The following KCNAB2 variants were observed in gnomAD, a reference collection of about 807,000 sequenced individuals.
KCNAB2 encodes the protein potassium voltage-gated channel subfamily A regulatory beta subunit 2, also known as voltage-gated potassium channel subunit beta-2.
A neutral mutation model predicts 63.6 loss-of-function variants in KCNAB2; 29 were observed. The ratio of observed to expected loss-of-function variants is 0.46; its 90% CI spans 0.34 to 0.62. The LOEUF is 0.62. KCNAB2 is among the 20% of genes least tolerant of loss of function. The pLI is 0.01. For synonymous variants in KCNAB2, 222 were observed against 224.2 expected (o/e 0.99, Z 0.09); for missense variants, 359 against 563.9 (o/e 0.64, Z 3.68).
intron 1 of KCNAB2, among the ~76,000 whole-genome samples, chr1:6,022,309 G>C (rs1456688007): frequency 6.7e-6 from 1 of 149,568 alleles, no homozygotes; most frequent in African/African-American, 2.5e-5. Context: ...CTGAGTGTAT[G>C]GCTCAGTGGT....
intron 1 of KCNAB2, among the ~76,000 whole-genome samples, chr1:6,051,038 G>A (rs188207028): frequency 2.0e-5 from 3 of 152,374 alleles, no homozygotes; most frequent in African/African-American, 7.2e-5. Context: ...AGCAACAGGT[G>A]TGCCCTGCGC....
intron 1 of KCNAB2, among the ~76,000 whole-genome samples, chr1:6,009,961 C>G (rs985396974): frequency 7.2e-5 from 11 of 151,910 alleles, no homozygotes; most frequent in African/African-American, 2.7e-4. Flanking sequence ...ACCTCCAACT[C>G]CCAGGCTCAG....
At chr1:5,995,726 C>T (rs1177518740) in intron 1 of KCNAB2, 1 of 152,276 alleles carries the variant, frequency 6.6e-6, no homozygotes, top group East Asian at 1.9e-4. Flanking sequence ...ACACTCATGA[C>T]CTCAGTTCGC....
Position 6,054,245 on chromosome 1 carries a change from C to T in KCNAB2, c.218+2491C>T, listed in dbSNP as rs78202208. Among the ~76,000 whole-genome samples the T allele has an allele frequency of 5.3e-3, 811 of 152,128 alleles. 13 individuals carry two copies. The highest frequency in any genetic ancestry group is 0.027 in the Middle Eastern group (8 of 294). ...CAACCCAAGGGACTCTGAGGAGTCT[C>T]GGTGTTACCGGTGGAGGGTGTGCAG... is the stretch of plus-strand genomic sequence containing the variant. On this transcript the variant is annotated intron_variant, in intron 2 of 15. Coordinates refer to ENST00000378083, the MANE Select transcript of KCNAB2 (RefSeq NM_001199862.2).
At chr1:5,997,904 T>C (rs1321022470) in intron 1 of KCNAB2, among the ~76,000 whole-genome samples, 2 of 152,212 alleles carry the variant, frequency 1.3e-5, no homozygotes, top group East Asian at 3.8e-4. Context: ...CAGCAGACAT[T>C]TGAAGGACCA....
chr1:5,998,382 G>A (rs765217417), intron 1 of KCNAB2, among the ~76,000 whole-genome samples: 1 of 152,200 alleles, frequency 6.6e-6, no homozygotes, highest in South Asian at 2.1e-4. Context: ...GGGAGGACTG[G>A]GCTCGGTTGA....
rs1278186459 is a variant in KCNAB2, at chr1:6,073,703, C to A, written c.263-30C>A. 4.3e-6 allele frequency: 7 copies of A among 1,613,606 alleles called. No homozygotes were observed. Among genetic ancestry groups the A allele is most frequent in the Non-Finnish European group, 5.9e-6 (7 of 1,179,500 alleles). ...GGATAATCTGGCTTCCTGCCAGGTT[C>A]CTAACTTGAGCCCCTGTGTCTCCTT... On this transcript the variant is annotated intron_variant, in intron 3 of 15. Transcript: ENST00000378083. This position sits in a 1 kb window ranked among gnomAD's most constrained non-coding sequence, Gnocchi z 5.7.
chr1:6,089,771 C>T (rs1420666668), intron 8 of KCNAB2, among the ~76,000 whole-genome samples: 1 of 152,234 alleles, frequency 6.6e-6, no homozygotes, highest in African/African-American at 2.4e-5. Flanking sequence ...GATCTTGGCT[C>T]ACTGCAACCC....
intron 5 of KCNAB2, among the ~76,000 whole-genome samples, chr1:6,084,392 C>T (rs1400718562): frequency 6.6e-6 from 1 of 152,240 alleles, no homozygotes; most frequent in East Asian, 1.9e-4. Flanking sequence ...CACCCACACA[C>T]ATGCACACAT....
At chr1:6,019,238 G>T (rs1248052420) in intron 1 of KCNAB2, among the ~76,000 whole-genome samples, 2 of 152,200 alleles carry the variant, frequency 1.3e-5, no homozygotes, top group African/African-American at 4.8e-5. Flanking sequence ...GCTGCAGTGA[G>T]CTGTGATCAT....
chr1:6,029,061 C>T (rs1254742867), intron 1 of KCNAB2, among the ~76,000 whole-genome samples: 1 of 152,140 alleles, frequency 6.6e-6, no homozygotes, highest in East Asian at 1.9e-4. Flanking sequence ...GCGAGTGGAT[C>T]ACAAGGTCAG....
chr1:6,052,455 C>A (rs370078624), intron 2 of KCNAB2, among the ~76,000 whole-genome samples: 9 of 151,724 alleles, frequency 5.9e-5, no homozygotes, highest in African/African-American at 1.9e-4. Context: ...TTAGTAAATT[C>A]TCCATGGGGT....
chr1:6,082,940 G>A lies in KCNAB2; in HGVS notation c.380+666G>A, dbSNP rs559726385. 1.6e-4 allele frequency among the ~76,000 whole-genome samples: 25 copies of A among 152,318 alleles called. 1 individual carries two copies. The South Asian group carries it at 5.2e-3, about 32-fold the overall frequency. On this transcript the variant is annotated intron_variant, in intron 5 of 15. Coordinates refer to ENST00000378083, the MANE Select transcript of KCNAB2 (RefSeq NM_001199862.2). ...CAGGCCTGGGCTGCTGTGCACCATA[G>A]CTGCTTGGCCCGCAGCTGCTTCGTG... is the stretch of plus-strand genomic sequence containing the variant.
Position 6,003,056 on chromosome 1 carries a change from C to T in KCNAB2, c.-53+10268C>T, listed in dbSNP as rs1657348925. Among the ~76,000 whole-genome samples, 2 of 152,234 alleles carry T rather than the reference C, an allele frequency of 1.3e-5. No homozygotes were observed. Among genetic ancestry groups the T allele is most frequent in the Admixed American group, 1.3e-4 (2 of 15,292 alleles). ...ACCAGAGGACAGAGCTAGAACATGA[C>T]CGCAGCAGACGCCTGATCCTGCGCC... On this transcript the variant is annotated intron_variant, in intron 1 of 16. Coordinates refer to the KCNAB2 transcript ENST00000341524. This position sits in a 1 kb window ranked among gnomAD's most constrained non-coding sequence, Gnocchi z 4.1.
chr1:6,004,136 C>T (rs974006228), intron 1 of KCNAB2, among the ~76,000 whole-genome samples: 2 of 152,100 alleles, frequency 1.3e-5, no homozygotes, highest in African/African-American at 2.4e-5. Flanking sequence ...AGGGCTGGGG[C>T]CCACCAGGGT....
chr1:6,060,969 G>A (rs777941734), intron 2 of KCNAB2, among the ~76,000 whole-genome samples: 9 of 150,438 alleles, frequency 6.0e-5, no homozygotes, highest in African/African-American at 1.5e-4. Context: ...CACAGGCCTC[G>A]TTCTGTGCAT....
At chr1:6,015,693 G>T (rs1247592637) in intron 1 of KCNAB2, among the ~76,000 whole-genome samples, 1 of 152,090 alleles carries the variant, frequency 6.6e-6, no homozygotes, top group Non-Finnish European at 1.5e-5. Context: ...TTGGTTGATT[G>T]GTTGGTTGGT....
upstream of KCNAB2, among the ~76,000 whole-genome samples, chr1:6,043,966 C>T (rs1301084127): frequency 6.6e-6 from 1 of 152,204 alleles, no homozygotes; most frequent in Non-Finnish European, 1.5e-5. Flanking sequence ...AAGTTGGATC[C>T]CCATGTCCTC....
intron 2 of KCNAB2, among the ~76,000 whole-genome samples, chr1:6,061,407 T>C (rs1662308669): frequency 6.6e-6 from 1 of 152,090 alleles, no homozygotes; most frequent in Non-Finnish European, 1.5e-5. Context: ...GGGCCGGGCG[T>C]GTCCCCACAC....
Sources: gnomAD v4.1 joint callset for allele counts (sites outside exome capture counted in the v4.1 genomes callset) on GRCh38, gnomAD v4.1.1 for gene constraint, Gnocchi (gnomAD v3.1) non-coding constraint, MANE v1.5 for transcripts, NCBI Gene and HGNC (gene_info 2026-07-23, HGNC 2026-07-21) for gene names.